Variants in PDXDC1 observed in about 807,000 individuals in gnomAD.
PDXDC1 encodes pyridoxal-dependent decarboxylase domain-containing protein 1.
Under a neutral mutation model 100.1 loss-of-function variants are expected in PDXDC1, and 42 were observed. The observed-to-expected ratio is 0.42, with a 90% confidence interval of 0.33 to 0.54. The LOEUF is 0.54. Among genes scored for constraint, PDXDC1 ranks in the 20% least tolerant of loss-of-function variants. PDXDC1 has a pLI of 0.10. For synonymous variants in PDXDC1, 260 were observed against 371.7 expected (o/e 0.70, Z 3.46); for missense variants, 636 against 979.2 (o/e 0.65, Z 4.68).
intron 16 of PDXDC1, chr16:15,104,606 T>C: frequency 6.3e-7 from 1 of 1,599,150 alleles, no homozygotes; most frequent in Non-Finnish European, 8.5e-7. Flanking sequence ...ACTCCGCAGG[T>C]GTCTTGAGGC....
intron 16 of PDXDC1, among the ~76,000 whole-genome samples, chr16:15,100,084 T>TA (rs762584383): frequency 7.9e-5 from 12 of 152,194 alleles, no homozygotes; most frequent in Non-Finnish European, 1.6e-4. Flanking sequence ...TCAACACTGT[T>TA]AGAGAGATGA....
At chr16:14,995,573 G>A (rs1971782288) in intron 1 of PDXDC1, among the ~76,000 whole-genome samples, 1 of 152,286 alleles carries the variant, frequency 6.6e-6, no homozygotes, top group Admixed American at 6.5e-5. Context: ...TTGCATCGAT[G>A]TTCATCAGGG....
intron 16 of PDXDC1, among the ~76,000 whole-genome samples, chr16:15,088,982 G>A (rs1239184794): frequency 1.3e-5 from 2 of 152,036 alleles, no homozygotes; most frequent in African/African-American, 2.4e-5. Flanking sequence ...TGATGATTCT[G>A]GGTAAATGCA....
downstream of PDXDC1, among the ~76,000 whole-genome samples, chr16:15,140,095 C>CAAAA (rs372891971): frequency 0.087 from 3,813 of 43,736 alleles, 637 homozygotes; most frequent in Middle Eastern, 0.12. Flanking sequence ...GACTCCATCT[C>CAAAA]AAAAAAAAAA....
intron 1 of PDXDC1, among the ~76,000 whole-genome samples, chr16:14,976,595 T>A (rs768185680): frequency 6.6e-6 from 1 of 152,282 alleles, no homozygotes. Context: ...TTTGGTACTT[T>A]GAGTTTGTCC....
intron 16 of PDXDC1, among the ~76,000 whole-genome samples, chr16:15,111,343 C>G (rs555572170): frequency 1.4e-5 from 2 of 146,914 alleles, no homozygotes; most frequent in South Asian, 2.2e-4. Flanking sequence ...GTAATCCCAG[C>G]TAGTCGGGAG....
chr16:15,027,546 T>C (rs1336001746), intron 14 of PDXDC1, among the ~76,000 whole-genome samples: 1 of 152,294 alleles, frequency 6.6e-6, no homozygotes, highest in Admixed American at 6.5e-5. Flanking sequence ...GCTTGGAGAA[T>C]GAGTGCAAGG....
At chr16:15,142,939 G>GA (rs2048497428), downstream of PDXDC1, among the ~76,000 whole-genome samples, 1 of 152,116 alleles carries the variant, frequency 6.6e-6, no homozygotes, top group African/African-American at 2.4e-5. Context: ...GGGGTCCCAA[G>GA]CCCTTGCTGC....
intron 16 of PDXDC1, among the ~76,000 whole-genome samples, chr16:15,062,377 CAT>C (rs1490809942): frequency 6.6e-6 from 1 of 152,122 alleles, no homozygotes; most frequent in Non-Finnish European, 1.5e-5. Flanking sequence ...ACAAATGAAA[CAT>C]AAAGAAAAAG....
chr16:15,058,799 T>A (rs1185658942), intron 16 of PDXDC1, among the ~76,000 whole-genome samples: 7 of 152,162 alleles, frequency 4.6e-5, no homozygotes. Context: ...CCAATTTGTG[T>A]TTCAAATTTT....
intron 8 of PDXDC1, among the ~76,000 whole-genome samples, chr16:15,010,885 ATATG>A (rs2041203931): frequency 6.6e-6 from 1 of 152,296 alleles, no homozygotes; most frequent in South Asian, 2.1e-4. Context: ...TTAACAAAAT[ATATG>A]CAAGATCTGT....
chr16:15,031,746 C>T lies in PDXDC1; in HGVS notation c.1411C>T (p.Arg471Trp), dbSNP rs536777569. 27 of 1,610,318 alleles carry T rather than the reference C, an allele frequency of 1.7e-5. No individual in the cohort carries two copies. The highest frequency in any genetic ancestry group is 4.5e-5 in the East Asian group (2 of 44,774). The stretch of plus-strand genomic sequence containing the variant: ...GTGAACATCTTCAGTTTTAGGAACT[C>T]GGGGAGAGGATGTGGATCAGCTCGT... Reference protein sequence around the residue: ...PLMTAAVLGTRGEDVDQLVAC... With the variant: ...PLMTAAVLGTWGEDVDQLVAC... The change falls in exon 17 of 23, where the codon CGG (arginine) becomes TGG (tryptophan). Residue 471 changes from arginine (R) to tryptophan (W), a missense_variant. Physicochemically the swap from Arg to Trp is moderately radical, Grantham distance 101. Around this residue, in one of 4 missense-constraint regions of PDXDC1, gnomAD observed 452 missense variants for 402.9 expected, o/e 1.12. Transcript: ENST00000396410.
At chr16:15,068,515 T>C (rs1291837658) in intron 16 of PDXDC1, among the ~76,000 whole-genome samples, 1 of 152,210 alleles carries the variant, frequency 6.6e-6, no homozygotes, top group African/African-American at 2.4e-5. Context: ...ACTTAGGAAG[T>C]AGCAGGCTGT....
At chr16:15,046,230 T>C (rs1184332241) in intron 16 of PDXDC1, among the ~76,000 whole-genome samples, 10 of 152,236 alleles carry the variant, frequency 6.6e-5, no homozygotes, top group Admixed American at 6.5e-4. Context: ...CGACCAGTAT[T>C]GACTAGCAAA....
intron 16 of PDXDC1, among the ~76,000 whole-genome samples, chr16:15,072,317 T>G (rs1020692406): frequency 1.3e-5 from 2 of 151,284 alleles, no homozygotes; most frequent in African/African-American, 2.4e-5. Context: ...GATTAATAAG[T>G]TGGTTTGGGC....
In PDXDC1 at chr16:15,028,950, A is replaced by G. The variant is rs1312821595; in HGVS notation, c.1277A>G (p.Asp426Gly). ...GTCGGCCGGGAGAGGCACTCGTGTG[A>G]CGCGCTGAATCGCTGGGTGAGAATG... The part of the protein sequence containing the change: ...SGVGRERHSC[D>G]ALNRWLGEQL... The change falls in exon 15 of 23, where the codon GAC (aspartate) becomes GGC (glycine). Residue 426 changes from aspartate to glycine, a missense_variant. Around this residue, in one of 4 missense-constraint regions of PDXDC1, gnomAD observed 44 missense variants for 46.9 expected, o/e 0.94. Coordinates refer to ENST00000396410, the MANE Select transcript of PDXDC1 (RefSeq NM_015027.4). The G allele has an allele frequency of 1.7e-5, 28 of 1,613,158 alleles. No homozygotes were observed. The highest frequency in any genetic ancestry group is 2.2e-5 in the Non-Finnish European group (26 of 1,179,958).
intron 19 of PDXDC1, 124 bp downstream of exon 19, chr16:15,033,523 T>G: frequency 8.8e-7 from 1 of 1,132,508 alleles, no homozygotes; most frequent in East Asian, 2.4e-5. Flanking sequence ...TGTCAATGTT[T>G]CCTGTAAGCT....
the PDXDC1 span, among the ~76,000 whole-genome samples, chr16:15,151,962 T>C: frequency 1.1e-5 from 1 of 87,910 alleles, no homozygotes; most frequent in African/African-American, 4.3e-5. Flanking sequence ...AACACATGGG[T>C]CAGGAGGGGA....
At chr16:14,979,424 G>A (rs1162108296) in intron 1 of PDXDC1, among the ~76,000 whole-genome samples, 1 of 152,276 alleles carries the variant, frequency 6.6e-6, no homozygotes, top group Non-Finnish European at 1.5e-5. Flanking sequence ...CAAGTAGCTG[G>A]GATTACAGGC....
Sources: allele counts gnomAD v4.1 joint callset (sites outside exome capture counted in the v4.1 genomes callset), GRCh38; gene constraint gnomAD v4.1.1; regional missense constraint gnomAD v4.1.1; transcripts MANE v1.5; gene names NCBI Gene and HGNC (gene_info 2026-07-23, HGNC 2026-07-21).